GRIA3: variants seen among roughly 807,000 people sequenced by gnomAD.
GRIA3 encodes glutamate ionotropic receptor AMPA type subunit 3.
GRIA3 carries 3 observed loss-of-function variants against 63.0 expected under a neutral mutation model. The observed-to-expected ratio is 0.05, with a 90% confidence interval of 0.02 to 0.12. The LOEUF (loss-of-function observed/expected upper bound fraction) is 0.12, where lower values mean the gene tolerates loss of function less well. Ranked by LOEUF, GRIA3 falls within the 10% of genes least tolerant of loss-of-function variation. The pLI is 1.00. For missense variants in GRIA3, 347 were observed against 700.9 expected, an observed-to-expected ratio of 0.50 and a Z score of 5.70; for synonymous variants, 274 against 257.9, an observed-to-expected ratio of 1.06 and a Z score of -0.60.
chrX:123,288,586 C>G (rs903334474), intron 3 of GRIA3, among the ~76,000 whole-genome samples: 2 of 111,110 alleles, frequency 1.8e-5, no homozygotes, highest in Non-Finnish European at 3.8e-5. Flanking sequence ...AACAAATTAC[C>G]CCATCTAAAA....
intron 3 of GRIA3, among the ~76,000 whole-genome samples, chrX:123,317,738 G>A (rs1049649444): frequency 2.7e-5 from 3 of 111,757 alleles, no homozygotes; most frequent in Admixed American, 9.4e-5. Flanking sequence ...GAGTGTCTGC[G>A]GCTTTTCCAG....
chrX:123,412,628 GCTAAGTCT>G (rs1328359518), intron 10 of GRIA3, among the ~76,000 whole-genome samples: 1 of 111,650 alleles, frequency 9.0e-6, no homozygotes, highest in Non-Finnish European at 1.9e-5. Flanking sequence ...GAGAAGAGTT[GCTAAGTCT>G]CCTACCAATA....
intron 3 of GRIA3, among the ~76,000 whole-genome samples, chrX:123,256,466 A>G (rs1055895036): frequency 8.9e-6 from 1 of 111,943 alleles, no homozygotes; most frequent in Admixed American, 9.5e-5. Context: ...TAAGCTGAGA[A>G]CTAAAGGACT....
intron 2 of GRIA3, among the ~76,000 whole-genome samples, chrX:123,189,124 G>A (rs1027690306): frequency 2.7e-5 from 3 of 112,075 alleles, no homozygotes; most frequent in Non-Finnish European, 3.8e-5. Context: ...GAGATGGATT[G>A]AAGTTTATCT....
chrX:123,212,699 G>A lies in GRIA3; in HGVS notation c.268+26709G>A, dbSNP rs193026412. On this transcript the variant is annotated intron_variant, in intron 2 of 15. Coordinates refer to ENST00000620443, the MANE Select transcript of GRIA3 (RefSeq NM_007325.5). Reference sequence around the variant, plus strand: ...CCTTTCATCCAAAGCAACATCAGTCGTTCTATTAGTATTGGAGTTTTTGCA... The same window carrying A: ...CCTTTCATCCAAAGCAACATCAGTCATTCTATTAGTATTGGAGTTTTTGCA... Among the ~76,000 whole-genome samples, 297 of 112,160 alleles carry A rather than the reference G, an allele frequency of 2.6e-3. 1 individual carries two copies. The highest frequency in any genetic ancestry group is 9.4e-3 in the African/African-American group (289 of 30,881).
chrX:123,433,073 T>C (rs1027061544), intron 12 of GRIA3, among the ~76,000 whole-genome samples: 1 of 112,032 alleles, frequency 8.9e-6, no homozygotes, highest in South Asian at 3.7e-4. Flanking sequence ...TATGTGGCGA[T>C]CATTTGCCAT....
chrX:123,245,370 A>C (rs1217010107), intron 2 of GRIA3, among the ~76,000 whole-genome samples: 1 of 111,949 alleles, frequency 8.9e-6, no homozygotes, highest in Admixed American at 9.5e-5. Context: ...GGCTGAAGCT[A>C]CAGGTATCTA....
At chrX:123,468,895 G>C (rs190696446) in intron 13 of GRIA3, among the ~76,000 whole-genome samples, 2 of 112,747 alleles carry the variant, frequency 1.8e-5, no homozygotes, top group Non-Finnish European at 3.8e-5. Context: ...ATAAATCTCT[G>C]CTGACTTTCA....
At chrX:123,452,946 GTAAC>G (rs2045741145) in intron 12 of GRIA3, among the ~76,000 whole-genome samples, 1 of 112,107 alleles carries the variant, frequency 8.9e-6, no homozygotes. Context: ...TGGTGGGACT[GTAAC>G]TAGTTCAACC....
intron 3 of GRIA3, among the ~76,000 whole-genome samples, chrX:123,296,734 G>A (rs1005320510): frequency 2.7e-5 from 3 of 111,263 alleles, no homozygotes; most frequent in Middle Eastern, 8.3e-3. Flanking sequence ...GTTCACTGGA[G>A]CAGAAAATGG....
At chrX:123,447,147 C>T (rs1293654693) in intron 12 of GRIA3, among the ~76,000 whole-genome samples, 2 of 111,645 alleles carry the variant, frequency 1.8e-5, no homozygotes, top group East Asian at 5.6e-4. Flanking sequence ...TTTTGGGAGG[C>T]CAAGGCTGGC....
At chrX:123,237,379 T>G (rs1397486124) in intron 2 of GRIA3, among the ~76,000 whole-genome samples, 1 of 111,805 alleles carries the variant, frequency 8.9e-6, no homozygotes, top group Non-Finnish European at 1.9e-5. Context: ...TTTCTTAATG[T>G]AAATTCCAGA....
chrX:123,447,903 TA>T (rs2045711435), intron 12 of GRIA3, among the ~76,000 whole-genome samples: 1 of 112,267 alleles, frequency 8.9e-6, no homozygotes, highest in Admixed American at 9.4e-5. Context: ...AACTATTTTT[TA>T]AAAACCTTGG....
intron 6 of GRIA3, among the ~76,000 whole-genome samples, chrX:123,396,753 G>A (rs778861440): frequency 6.2e-4 from 69 of 111,883 alleles, no homozygotes; most frequent in Non-Finnish European, 7.9e-4. Context: ...CATTTTCATA[G>A]AAATCAAGAT....
At chrX:123,221,153 G>A (rs947422607) in intron 2 of GRIA3, among the ~76,000 whole-genome samples, 3 of 112,657 alleles carry the variant, frequency 2.7e-5, no homozygotes, top group Admixed American at 9.4e-5. Context: ...TGACACAACA[G>A]ATCAGTTTAG....
intron 3 of GRIA3, among the ~76,000 whole-genome samples, chrX:123,309,127 G>A (rs1471827711): frequency 9.0e-6 from 1 of 111,731 alleles, no homozygotes; most frequent in African/African-American, 3.3e-5. Context: ...GCTCATACCT[G>A]TAATCCCAAC....
intron 12 of GRIA3, among the ~76,000 whole-genome samples, chrX:123,444,837 C>T (rs941940886): frequency 9.0e-6 from 1 of 111,282 alleles, no homozygotes; most frequent in Non-Finnish European, 1.9e-5. Flanking sequence ...TTCTACATTG[C>T]CATTGCCATT....
intron 3 of GRIA3, among the ~76,000 whole-genome samples, chrX:123,304,110 T>C (rs2044740709): frequency 9.0e-6 from 1 of 111,059 alleles, no homozygotes; most frequent in East Asian, 2.9e-4. Flanking sequence ...TGTAATATCC[T>C]TGGGCACCAA....
intron 2 of GRIA3, among the ~76,000 whole-genome samples, chrX:123,202,040 T>A (rs1268579572): frequency 9.8e-5 from 11 of 112,398 alleles, no homozygotes; most frequent in African/African-American, 3.6e-4. Context: ...GTATAGTAGA[T>A]GAAATTATCA....
Sources: gnomAD v4.1 joint callset for allele counts (sites outside exome capture counted in the v4.1 genomes callset) on GRCh38, gnomAD v4.1.1 for gene constraint, MANE v1.5 for transcripts, NCBI Gene and HGNC (gene_info 2026-07-23, HGNC 2026-07-21) for gene names.